PKIB: variants seen among roughly 807,000 people sequenced by gnomAD.
The protein encoded by PKIB is PKI-beta.
PKIB carries 2 observed loss-of-function variants against 4.5 expected under a neutral mutation model. That is an observed-to-expected ratio of 0.44 (90% CI 0.18 to 1.39). The LOEUF (loss-of-function observed/expected upper bound fraction) is 1.39, where lower values mean the gene tolerates loss of function less well. Ranked by LOEUF, PKIB falls within the 40% of genes most tolerant of loss-of-function variation. The pLI, the probability that PKIB is intolerant of heterozygous loss-of-function variation, is 0.27. For missense variants in PKIB, 94 were observed against 92.6 expected, an observed-to-expected ratio of 1.02 and a Z score of -0.06; for synonymous variants, 38 against 36.0, an observed-to-expected ratio of 1.06 and a Z score of -0.20.
intron 1 of PKIB, among the ~76,000 whole-genome samples, chr6:122,610,781 C>G (rs940715771): frequency 1.3e-5 from 2 of 152,246 alleles, no homozygotes; most frequent in Admixed American, 6.5e-5. Context: ...CTCACGCCAA[C>G]AGGCGTGACG....
intron 2 of PKIB, among the ~76,000 whole-genome samples, chr6:122,636,181 T>A (rs989839137): frequency 2.0e-5 from 3 of 152,116 alleles, no homozygotes; most frequent in Non-Finnish European, 4.4e-5. Context: ...GTAGCAGAGC[T>A]GAATTAAAAC....
chr6:122,629,405 C>T (rs1452504309), intron 1 of PKIB, among the ~76,000 whole-genome samples: 2 of 151,314 alleles, frequency 1.3e-5, no homozygotes, highest in Non-Finnish European at 2.9e-5. Context: ...ATCATGAGTT[C>T]ATATCATTAT....
intron 2 of PKIB, among the ~76,000 whole-genome samples, chr6:122,549,023 C>G (rs963913896): frequency 2.6e-5 from 4 of 152,172 alleles, no homozygotes; most frequent in Non-Finnish European, 2.9e-5. Context: ...TTGACTACAA[C>G]CCATGGAAAG....
At chr6:122,655,526 A>C (rs556151356) in intron 2 of PKIB, among the ~76,000 whole-genome samples, 1 of 152,274 alleles carries the variant, frequency 6.6e-6, no homozygotes, top group African/African-American at 2.4e-5. Flanking sequence ...TGGTGCCTCC[A>C]TCTTGGACTT....
At chr6:122,561,362 T>C (rs1773006731) in intron 2 of PKIB, among the ~76,000 whole-genome samples, 4 of 152,018 alleles carry the variant, frequency 2.6e-5, no homozygotes, top group Admixed American at 2.6e-4. Context: ...AAGGTTCCTT[T>C]TGGAGTTGAT....
chr6:122,473,668 T>C (rs1183614627), intron 1 of PKIB, among the ~76,000 whole-genome samples: 5 of 152,156 alleles, frequency 3.3e-5, no homozygotes, highest in African/African-American at 4.8e-5. Context: ...TGAAAGAAAA[T>C]TGAAATGATG....
chr6:122,532,774 C>T (rs1265160873), intron 2 of PKIB, among the ~76,000 whole-genome samples: 1 of 152,148 alleles, frequency 6.6e-6, no homozygotes, highest in East Asian at 1.9e-4. Flanking sequence ...CTTTGACAGA[C>T]ATTTGGGTTA....
At chr6:122,537,674 A>G (rs1777448879) in intron 2 of PKIB, among the ~76,000 whole-genome samples, 1 of 152,132 alleles carries the variant, frequency 6.6e-6, no homozygotes, top group Non-Finnish European at 1.5e-5. Context: ...CATGATTTAT[A>G]ATCCTTTGGG....
intron 2 of PKIB, among the ~76,000 whole-genome samples, chr6:122,555,285 A>G (rs563810091): frequency 6.6e-6 from 1 of 152,328 alleles, no homozygotes; most frequent in South Asian, 2.1e-4. Flanking sequence ...ACCAAGATGT[A>G]CAAAGACTGG....
chr6:122,555,862 C>T (rs1473096831), intron 2 of PKIB, among the ~76,000 whole-genome samples: 4 of 152,130 alleles, frequency 2.6e-5, no homozygotes, highest in Admixed American at 2.0e-4. Context: ...AAAACACCAA[C>T]TTGGAATTGA....
chr6:122,582,848 A>G (rs1261128626), intron 2 of PKIB, among the ~76,000 whole-genome samples: 1 of 152,098 alleles, frequency 6.6e-6, no homozygotes, highest in African/African-American at 2.4e-5. Flanking sequence ...TACCTAACAC[A>G]TAGTAATTAC....
intron 2 of PKIB, among the ~76,000 whole-genome samples, chr6:122,641,972 C>G (rs539305249): frequency 6.6e-6 from 1 of 152,198 alleles, no homozygotes; most frequent in African/African-American, 2.4e-5. Context: ...GGATTGCAGG[C>G]GTGAGCCACA....
chr6:122,514,494 G>A (rs896075979), intron 2 of PKIB, among the ~76,000 whole-genome samples: 11 of 152,106 alleles, frequency 7.2e-5, no homozygotes, highest in African/African-American at 1.9e-4. Context: ...ACAAGCTACC[G>A]CTGGCAAAAT....
chr6:122,596,349 G>A (rs1424075933), intron 3 of PKIB, among the ~76,000 whole-genome samples: 1 of 152,220 alleles, frequency 6.6e-6, no homozygotes, highest in African/African-American at 2.4e-5. Flanking sequence ...GGCTTGGGGA[G>A]AGAAGGCAGG....
chr6:122,618,281 T>C (rs1425107782), intron 1 of PKIB, among the ~76,000 whole-genome samples: 3 of 152,158 alleles, frequency 2.0e-5, no homozygotes, highest in Admixed American at 6.5e-5. Context: ...CTTACTGTTA[T>C]AAATTCTTCA....
intron 3 of PKIB, among the ~76,000 whole-genome samples, chr6:122,712,261 C>T (rs941090350): frequency 4.6e-5 from 7 of 152,074 alleles, no homozygotes; most frequent in Non-Finnish European, 8.8e-5. Context: ...AACTTGTGGG[C>T]CAGCAACAAG....
upstream of PKIB, among the ~76,000 whole-genome samples, chr6:122,607,253 C>T (rs529176063): frequency 2.2e-4 from 33 of 151,962 alleles, no homozygotes; most frequent in South Asian, 5.4e-3. Flanking sequence ...ACGGGTGGAT[C>T]GCTTGAGCCC....
intron 4 of PKIB, among the ~76,000 whole-genome samples, chr6:122,718,595 A>G (rs1779600687): frequency 1.3e-5 from 2 of 152,208 alleles, no homozygotes; most frequent in South Asian, 4.1e-4. Context: ...GAGATTAAAG[A>G]TCATTTTAGT....
Position 122,577,828 on chromosome 6 carries a change from G to A in PKIB, c.-247-8093G>A, listed in dbSNP as rs762760460. Among the ~76,000 whole-genome samples, 7 of 150,858 alleles carry A rather than the reference G, an allele frequency of 4.6e-5. No homozygotes were observed. In the East Asian group the frequency reaches 1.4e-3, roughly 30 times the overall value. On this transcript the variant is annotated intron_variant, in intron 2 of 6. Coordinates refer to the PKIB transcript ENST00000392491. ...GGAGGCTGAGGCAGGAGAATGGCGT[G>A]AACCCGGGAGGCAGAGCTTGCAGTG...
Sources: allele counts gnomAD v4.1 joint callset (sites outside exome capture counted in the v4.1 genomes callset), GRCh38; gene constraint gnomAD v4.1.1; transcripts MANE v1.5; gene names NCBI Gene and HGNC (gene_info 2026-07-23, HGNC 2026-07-21).